The following ARHGAP44 variants were observed in gnomAD, a reference collection of about 807,000 sequenced individuals.
The protein encoded by ARHGAP44 is Rho GTPase activating protein 44, also known as rho GTPase-activating protein 44.
ARHGAP44 carries 43 observed loss-of-function variants against 106.8 expected under a neutral mutation model. That is an observed-to-expected ratio of 0.40 (90% CI 0.32 to 0.52). The LOEUF (loss-of-function observed/expected upper bound fraction) is 0.52. ARHGAP44 is among the 20% of genes least tolerant of loss of function. The probability of loss-of-function intolerance (pLI) is 0.48; values close to 1 mark genes in which losing one functional copy is unlikely to be tolerated. For missense variants in ARHGAP44, 866 were observed against 1,050.5 expected, an observed-to-expected ratio of 0.82 and a Z score of 2.43; for synonymous variants, 439 against 410.3, an observed-to-expected ratio of 1.07 and a Z score of -0.85.
chr17:12,843,637 A>G (rs1481749516), intron 1 of ARHGAP44, among the ~76,000 whole-genome samples: 4 of 146,014 alleles, frequency 2.7e-5, no homozygotes, highest in South Asian at 2.1e-4. Flanking sequence ...ACATTCTCCC[A>G]TAAGTATTGG....
chr17:12,839,842 A>C (rs2035341818), intron 1 of ARHGAP44, among the ~76,000 whole-genome samples: 1 of 152,202 alleles, frequency 6.6e-6, no homozygotes, highest in Non-Finnish European at 1.5e-5. Context: ...TTAACCCAGG[A>C]ATAAAACAAG....
rs1221163562 is a variant in ARHGAP44 at position 12,948,752 on chromosome 17, C to CACACACACACACACACA, written c.862-388_862-387insACACACACACACACACA. Among the ~76,000 whole-genome samples, 554 of 140,880 alleles carry CACACACACACACACACA rather than the reference C, an allele frequency of 3.9e-3. 22 individuals are homozygous for CACACACACACACACACA. Among genetic ancestry groups the CACACACACACACACACA allele is most frequent in the East Asian group, 0.016 (73 of 4,510 alleles). The allele number at this position is 140,880 out of a possible 152,430, so 92.4% of individuals were successfully genotyped here. A position where few individuals can be genotyped will look rare whatever the true frequency, so the allele number is the denominator to read the frequency against. ...CACACACACACACACACACACACAC[C>CACACACACACACACACA]CCCTGTAGACCTCCTCACATTCAAC... On this transcript the variant is annotated intron_variant, in intron 10 of 20. Coordinates refer to ENST00000379672, the MANE Select transcript of ARHGAP44 (RefSeq NM_014859.6).
chr17:12,918,262 C>T (rs759485690), intron 5 of ARHGAP44, among the ~76,000 whole-genome samples: 1 of 151,032 alleles, frequency 6.6e-6, no homozygotes, highest in Non-Finnish European at 1.5e-5. Flanking sequence ...TTACACTTCT[C>T]CTTCCTACTG....
intron 19 of ARHGAP44, among the ~76,000 whole-genome samples, chr17:12,984,128 C>T (rs148989418): frequency 7.7e-4 from 117 of 152,288 alleles, no homozygotes; most frequent in Middle Eastern, 3.4e-3. Flanking sequence ...CTGGAGTCAT[C>T]CTCTGCTGGA....
chr17:12,881,789 G>A (rs2036745318), intron 1 of ARHGAP44, among the ~76,000 whole-genome samples: 2 of 152,000 alleles, frequency 1.3e-5, no homozygotes, highest in African/African-American at 4.8e-5. Flanking sequence ...GAACTCCTGG[G>A]CTCAAGAGAT....
In ARHGAP44 at chr17:12,854,958, CAAAAAAAAAAA is replaced by C. The variant is rs1182512832; in HGVS notation, c.54-39968_54-39958del. ...GGGCAACAAGAGCAAAACTCTGTCT[CAAAAAAAAAAA>C]AAAAAAAAAAAAAGAAGCAGTGTCT... On this transcript the variant is annotated intron_variant, in intron 1 of 20. Transcript: ENST00000379672. Among the ~76,000 whole-genome samples the C allele has an allele frequency of 1.6e-4, 8 of 50,932 alleles. 1 individual carries two copies. Among genetic ancestry groups the C allele is most frequent in the Admixed American group, 2.3e-4 (1 of 4,434 alleles). The allele number at this position is 50,932 out of a possible 152,430, so 33.4% of individuals were successfully genotyped here.
intron 1 of ARHGAP44, among the ~76,000 whole-genome samples, chr17:12,824,292 G>C (rs1014977865): frequency 6.6e-6 from 1 of 152,128 alleles, no homozygotes; most frequent in Non-Finnish European, 1.5e-5. Flanking sequence ...GAGCAGAGGA[G>C]TGATATGATT....
chr17:12,961,330 A>G (rs2039255687), intron 16 of ARHGAP44, among the ~76,000 whole-genome samples: 2 of 152,372 alleles, frequency 1.3e-5, no homozygotes, highest in South Asian at 2.1e-4. Flanking sequence ...TCCACTCTGT[A>G]TACTATTCTT....
At chr17:12,820,581 TTGTCCTTGAGGAACATG>T (rs1164204698) in intron 1 of ARHGAP44, among the ~76,000 whole-genome samples, 1 of 152,140 alleles carries the variant, frequency 6.6e-6, no homozygotes, top group African/African-American at 2.4e-5. Flanking sequence ...AAGATGGATC[TTGTCCTTGAGGAACATG>T]TGGGTGAGTG....
At chr17:12,843,441 G>A (rs1174219498) in intron 1 of ARHGAP44, among the ~76,000 whole-genome samples, 1 of 151,858 alleles carries the variant, frequency 6.6e-6, no homozygotes. Context: ...CTTTAAGCAT[G>A]GTTTTAGACA....
At chr17:12,973,035 G>T in intron 16 of ARHGAP44, 1 of 405,956 alleles carries the variant, frequency 2.5e-6, no homozygotes, top group South Asian at 7.9e-5. Context: ...TCTTCCTTCT[G>T]CCTCTTTCTT....
chr17:12,804,310 G>A (rs902143784), intron 1 of ARHGAP44, among the ~76,000 whole-genome samples: 3 of 152,190 alleles, frequency 2.0e-5, no homozygotes, highest in African/African-American at 7.2e-5. Context: ...TGGAGGGAGG[G>A]GTTGCAGAGG....
intron 1 of ARHGAP44, among the ~76,000 whole-genome samples, chr17:12,893,628 G>A (rs1471715022): frequency 6.6e-6 from 1 of 152,182 alleles, no homozygotes; most frequent in Non-Finnish European, 1.5e-5. Flanking sequence ...GGGCTTGGGT[G>A]GTTGTTACAG....
chr17:12,799,423 C>T (rs1474030942), intron 1 of ARHGAP44, among the ~76,000 whole-genome samples: 1 of 152,172 alleles, frequency 6.6e-6, no homozygotes, highest in African/African-American at 2.4e-5. Flanking sequence ...CCCTCCACCT[C>T]AAAATCTCAG....
chr17:12,900,587 C>T (rs2150926714), intron 3 of ARHGAP44, among the ~76,000 whole-genome samples: 1 of 152,290 alleles, frequency 6.6e-6, no homozygotes, highest in Non-Finnish European at 1.5e-5. Context: ...TGTTTCTCCA[C>T]CTTATTCAGC....
intron 1 of ARHGAP44, among the ~76,000 whole-genome samples, chr17:12,800,569 G>A (rs910432005): frequency 4.6e-5 from 7 of 152,160 alleles, no homozygotes; most frequent in Middle Eastern, 3.2e-3. Flanking sequence ...GAAGTGACGC[G>A]TGCCACTTCT....
Position 12,934,507 on chromosome 17 carries a change from G to A in ARHGAP44, c.582+5461G>A, listed in dbSNP as rs1048880983. On this transcript the variant is annotated intron_variant, in intron 7 of 20. Transcript: ENST00000379672. ...TGGAAGGCTGTGGAATGGTTGGGAA[G>A]CATTTACGTTACTTCAGATCCCTTC... Among the ~76,000 whole-genome samples, 9 of 152,322 alleles carry A rather than the reference G, an allele frequency of 5.9e-5. No individual in the cohort carries two copies. In the East Asian group the frequency reaches 1.7e-3, roughly 29 times the overall value.
intron 1 of ARHGAP44, among the ~76,000 whole-genome samples, chr17:12,815,776 TG>T (rs2034581141): frequency 6.6e-6 from 1 of 152,042 alleles, no homozygotes; most frequent in African/African-American, 2.4e-5. Flanking sequence ...AGAAGCTTCA[TG>T]GGGGAGGTGG....
chr17:12,949,043 G>C lies in ARHGAP44; in HGVS notation c.862-97G>C, dbSNP rs1019568376. The C allele has an allele frequency of 2.3e-5, 27 of 1,187,472 alleles. No homozygotes were observed. Among genetic ancestry groups the C allele is most frequent in the Non-Finnish European group, 2.8e-5 (23 of 828,598 alleles). The allele number at this position is 1,187,472 out of a possible 1,614,324, so 73.6% of individuals were successfully genotyped here. On this transcript the variant is annotated intron_variant, in intron 10 of 20. Coordinates refer to ENST00000379672, the MANE Select transcript of ARHGAP44 (RefSeq NM_014859.6). The surrounding 1 kb of genome is among the most constrained non-coding windows in gnomAD (Gnocchi z 4.1). ...GATGGTGTTGGGCAAATGCATGTAA[G>C]AGGTTTTGGAGAAAAGAAGCAGGCA...
Sources: allele counts gnomAD v4.1 joint callset (sites outside exome capture counted in the v4.1 genomes callset), GRCh38; gene constraint gnomAD v4.1.1; non-coding constraint Gnocchi (gnomAD v3.1); transcripts MANE v1.5; gene names NCBI Gene and HGNC (gene_info 2026-07-23, HGNC 2026-07-21).